Variants in TENM4 observed in about 807,000 individuals in gnomAD.
The protein encoded by TENM4 is teneurin-4.
In TENM4, 82 loss-of-function variants were observed where a neutral mutation model predicts 243.3. The observed-to-expected ratio is 0.34, with a 90% CI of 0.28 to 0.40. TENM4 has a LOEUF of 0.40. Ranked by LOEUF, TENM4 falls within the 10% of genes least tolerant of loss-of-function variation. TENM4 has a pLI of 1.00. For missense variants in TENM4, 3,138 were observed against 3,673.3 expected, an observed-to-expected ratio of 0.85 and a Z score of 3.77; for synonymous variants, 1,412 against 1,456.3, an observed-to-expected ratio of 0.97 and a Z score of 0.69.
At chr11:79,245,411 C>T (rs1855493706) in intron 2 of TENM4, among the ~76,000 whole-genome samples, 1 of 152,164 alleles carries the variant, frequency 6.6e-6, no homozygotes, top group Admixed American at 6.5e-5. Flanking sequence ...ATGTAGAGTC[C>T]TGGCTGGGTG....
At chr11:79,316,220 T>C (rs1476213943) in intron 1 of TENM4, among the ~76,000 whole-genome samples, 1 of 151,358 alleles carries the variant, frequency 6.6e-6, no homozygotes, top group Admixed American at 6.6e-5. Context: ...ATGAAAGATA[T>C]AAAAACAGAT....
chr11:79,425,183 C>T (rs1357339024), intron 1 of TENM4, among the ~76,000 whole-genome samples: 1 of 152,154 alleles, frequency 6.6e-6, no homozygotes, highest in Non-Finnish European at 1.5e-5. Context: ...GTATACTTAA[C>T]AACGGTGCTA....
intron 7 of TENM4, among the ~76,000 whole-genome samples, chr11:78,901,207 T>C (rs576793036): frequency 1.3e-5 from 2 of 152,320 alleles, no homozygotes; most frequent in Admixed American, 6.5e-5. Flanking sequence ...GTTATATATG[T>C]ATATAGATGT....
chr11:79,410,905 C>T (rs916450473), intron 1 of TENM4, among the ~76,000 whole-genome samples: 6 of 152,080 alleles, frequency 3.9e-5, no homozygotes, highest in Admixed American at 1.3e-4. Context: ...TTCTCCATGT[C>T]GGGCCTACCT....
At chr11:79,078,620 C>G (rs1860588617) in intron 4 of TENM4, among the ~76,000 whole-genome samples, 1 of 152,202 alleles carries the variant, frequency 6.6e-6, no homozygotes, top group African/African-American at 2.4e-5. Context: ...AGCTCTGCTT[C>G]TGAGGTCTGT....
In TENM4 at chr11:79,191,627, A is replaced by G. The variant is rs527446640; in HGVS notation, c.-163+24181T>C. On this transcript the variant is annotated intron_variant, in intron 3 of 33. Coordinates refer to ENST00000278550, the MANE Select transcript of TENM4 (RefSeq NM_001098816.3). ...GAGGAGCCCCTCTGCCTGGCTGCCC[A>G]GTCTGGAAAGTGAGGACAGTCTCTG... 1.1e-4 allele frequency: 18 copies of G among 157,244 alleles called. No homozygotes were observed. In the East Asian group the frequency reaches 4.2e-3, roughly 37 times the overall value. 9.7% of individuals were successfully genotyped at this position (157,244 alleles called of 1,614,324 possible).
At chr11:79,237,549 C>G (rs1219276300) in intron 2 of TENM4, among the ~76,000 whole-genome samples, 5 of 152,244 alleles carry the variant, frequency 3.3e-5, no homozygotes, top group African/African-American at 1.2e-4. Context: ...TGGTGGCAGG[C>G]ACCTATAATC....
chr11:79,278,230 C>A (rs926823009), intron 2 of TENM4, among the ~76,000 whole-genome samples: 1 of 152,094 alleles, frequency 6.6e-6, no homozygotes, highest in Non-Finnish European at 1.5e-5. Flanking sequence ...GTTGGTGATG[C>A]CTAAGGGGTT....
intron 1 of TENM4, among the ~76,000 whole-genome samples, chr11:79,316,527 T>G (rs374982326): frequency 6.6e-6 from 1 of 152,172 alleles, no homozygotes; most frequent in Non-Finnish European, 1.5e-5. Flanking sequence ...GTCTGCAGAG[T>G]TACTTTAAAG....
At chr11:78,695,597 AGGTGATCCACCTGCCTC>A (rs929940408) in intron 28 of TENM4, among the ~76,000 whole-genome samples, 2 of 152,000 alleles carry the variant, frequency 1.3e-5, no homozygotes, top group African/African-American at 4.8e-5. Context: ...TCCTGACCTC[AGGTGATCCACCTGCCTC>A]GGCCTCCCAA....
At chr11:79,264,056 G>A (rs61182550) in intron 2 of TENM4, among the ~76,000 whole-genome samples, 7,586 of 152,216 alleles carry the variant, frequency 0.05, 283 homozygotes, top group Middle Eastern at 0.12. Flanking sequence ...TTCCAGAATG[G>A]ACATTGTGTA....
intron 4 of TENM4, among the ~76,000 whole-genome samples, chr11:79,104,779 G>A (rs1180259442): frequency 6.6e-6 from 1 of 152,300 alleles, no homozygotes; most frequent in Middle Eastern, 3.4e-3. Flanking sequence ...AGTGAGAATG[G>A]GGCCATTTCA....
At chr11:79,103,603 G>C (rs1341970608) in intron 4 of TENM4, among the ~76,000 whole-genome samples, 1 of 152,224 alleles carries the variant, frequency 6.6e-6, no homozygotes, top group Non-Finnish European at 1.5e-5. Context: ...CATCGATTCA[G>C]TAATAGGCTT....
intron 2 of TENM4, chr11:79,269,770 C>T (rs1855938360): frequency 1.3e-5 from 2 of 152,248 alleles, no homozygotes; most frequent in South Asian, 4.1e-4. Context: ...GGGAAAGAGA[C>T]AATGGCCCAG....
At chr11:79,356,417 G>A (rs1180488111) in intron 1 of TENM4, among the ~76,000 whole-genome samples, 1 of 152,196 alleles carries the variant, frequency 6.6e-6, no homozygotes, top group Non-Finnish European at 1.5e-5. Flanking sequence ...CCAGTGCCTG[G>A]TGTAGAGTCA....
At chr11:79,176,890 G>T (rs1377446059) in intron 3 of TENM4, among the ~76,000 whole-genome samples, 2 of 152,158 alleles carry the variant, frequency 1.3e-5, no homozygotes, top group Non-Finnish European at 2.9e-5. Context: ...AATTTACTGA[G>T]GTTCCTGTAG....
intron 3 of TENM4, among the ~76,000 whole-genome samples, chr11:79,176,092 A>AAAAT (rs532054159): frequency 1.4e-3 from 208 of 152,286 alleles, no homozygotes; most frequent in African/African-American, 4.5e-3. Context: ...ACCCTGCCTC[A>AAAAT]AAATAAATAA....
At chr11:78,996,047 A>G in intron 6 of TENM4, among the ~76,000 whole-genome samples, 1 of 152,184 alleles carries the variant, frequency 6.6e-6, no homozygotes, top group Non-Finnish European at 1.5e-5. Context: ...AGAAAGCCGC[A>G]AGGAGGACTG....
At chr11:78,929,298 C>G (rs553064821) in intron 6 of TENM4, among the ~76,000 whole-genome samples, 2 of 152,100 alleles carry the variant, frequency 1.3e-5, no homozygotes, top group African/African-American at 4.8e-5. Context: ...CTTCCATGTG[C>G]GGCAGGTAAT....
Sources: allele counts gnomAD v4.1 joint callset (sites outside exome capture counted in the v4.1 genomes callset), GRCh38; gene constraint gnomAD v4.1.1; transcripts MANE v1.5; gene names NCBI Gene and HGNC (gene_info 2026-07-23, HGNC 2026-07-21).